The following ZMYM4 variants were observed in gnomAD, a reference collection of about 807,000 sequenced individuals.
The protein encoded by ZMYM4 is zinc finger MYM-type protein 4.
A neutral mutation model predicts 183.2 loss-of-function variants in ZMYM4; 31 were observed. That is an observed-to-expected ratio of 0.17 (90% CI 0.13 to 0.23). The LOEUF is 0.23. Among genes scored for constraint, ZMYM4 ranks in the 10% least tolerant of loss-of-function variants. ZMYM4 has a pLI of 1.00. For synonymous variants in ZMYM4, 592 were observed against 631.2 expected (o/e 0.94, Z 0.93); for missense variants, 1,273 against 1,840.3 (o/e 0.69, Z 5.64).
At chr1:35,298,011 G>A (rs1036720534) in intron 1 of ZMYM4, among the ~76,000 whole-genome samples, 4 of 152,222 alleles carry the variant, frequency 2.6e-5, no homozygotes, top group African/African-American at 4.8e-5. Flanking sequence ...CAGAATAACA[G>A]TAGAGGGAGC....
At chr1:35,409,068 A>G (rs1045343689) in intron 26 of ZMYM4, among the ~76,000 whole-genome samples, 3 of 152,210 alleles carry the variant, frequency 2.0e-5, no homozygotes, top group Non-Finnish European at 2.9e-5. Context: ...TTCCCTTAGC[A>G]TTATGTTTTC....
At chr1:35,383,048 T>C (rs1224214772) in intron 9 of ZMYM4, among the ~76,000 whole-genome samples, 1 of 152,160 alleles carries the variant, frequency 6.6e-6, no homozygotes, top group East Asian at 1.9e-4. Context: ...CTTTATGAAA[T>C]AGGAAGAAAT....
chr1:35,326,942 C>T (rs1642529083), intron 2 of ZMYM4, among the ~76,000 whole-genome samples: 1 of 152,208 alleles, frequency 6.6e-6, no homozygotes, highest in Non-Finnish European at 1.5e-5. Flanking sequence ...TCACTGCAAC[C>T]TCTGCCTCAC....
chr1:35,396,754 A>T, intron 19 of ZMYM4, 84 bp downstream of exon 19: 1 of 1,434,924 alleles, frequency 7.0e-7, no homozygotes, highest in South Asian at 1.5e-5. Context: ...GAAAGTTTTC[A>T]TTTGTTAGTA....
intron 2 of ZMYM4, among the ~76,000 whole-genome samples, chr1:35,339,588 A>G (rs980292952): frequency 5.3e-5 from 8 of 152,194 alleles, no homozygotes; most frequent in Admixed American, 6.5e-5. Flanking sequence ...TGTATAGATT[A>G]TGTGCAAATA....
chr1:35,392,822 G>T, intron 17 of ZMYM4, 138 bp downstream of exon 17: 2 of 608,208 alleles, frequency 3.3e-6, no homozygotes, highest in South Asian at 6.1e-5. Flanking sequence ...TCTTTGTTCA[G>T]GAATAGGATT....
intron 7 of ZMYM4, among the ~76,000 whole-genome samples, chr1:35,371,209 G>A (rs1006594361): frequency 5.3e-5 from 8 of 151,164 alleles, no homozygotes; most frequent in Non-Finnish European, 8.9e-5. Context: ...TCCGCCTCCC[G>A]GGTTCATGCC....
intron 2 of ZMYM4, chr1:35,350,893 A>C (rs577607896): frequency 1.6e-6 from 1 of 625,982 alleles, no homozygotes; most frequent in Admixed American, 2.4e-5. Flanking sequence ...TGTAACAGAG[A>C]TATCATTTGT....
At chr1:35,371,788 T>C (rs1644220074) in intron 7 of ZMYM4, among the ~76,000 whole-genome samples, 2 of 152,210 alleles carry the variant, frequency 1.3e-5, no homozygotes, top group Admixed American at 1.3e-4. Flanking sequence ...GGTTAGAAGT[T>C]TTTCTGGAAG....
intron 1 of ZMYM4, among the ~76,000 whole-genome samples, chr1:35,287,865 A>C (rs2148708133): frequency 6.6e-6 from 1 of 152,260 alleles, no homozygotes; most frequent in African/African-American, 2.4e-5. Flanking sequence ...TGGCCTCCCA[A>C]AATGCTAGGA....
intron 25 of ZMYM4, among the ~76,000 whole-genome samples, chr1:35,407,709 G>A (rs780589255): frequency 6.6e-6 from 1 of 152,102 alleles, no homozygotes; most frequent in Non-Finnish European, 1.5e-5. Flanking sequence ...TTAAGGTCTA[G>A]CTCCAGTATC....
chr1:35,310,522 T>C (rs1239077119), intron 1 of ZMYM4: 1 of 153,604 alleles, frequency 6.5e-6, no homozygotes, highest in Non-Finnish European at 1.4e-5. Context: ...ATACATAAAT[T>C]TATGTTGCAT....
Position 35,359,230 on chromosome 1 carries a change from C to A in ZMYM4, c.391C>A (p.Gln131Lys). Reference protein sequence around the residue: ...ESDNENEIQIQNKLKKDFPKQ... With the variant: ...ESDNENEIQIKNKLKKDFPKQ... Reference sequence around the variant, plus strand: ...AGACAATGAAAATGAAATACAAATTCAAAATAAGTTAAAAAAAGACTTTCC... The same window carrying A: ...AGACAATGAAAATGAAATACAAATTAAAAATAAGTTAAAAAAAGACTTTCC... The change falls in exon 3 of 30, where the codon CAA becomes AAA. Residue 131 changes from glutamine (Q) to lysine (K), a missense_variant. Around this residue, in one of 6 missense-constraint regions of ZMYM4, gnomAD observed 384 missense variants for 465.6 expected, o/e 0.82. Transcript: ENST00000314607. The A allele has an allele frequency of 6.2e-7, 1 of 1,609,738 alleles. No homozygotes were observed. The highest frequency in any genetic ancestry group is 1.1e-5 in the South Asian group (1 of 90,008).
At chr1:35,392,820 C>A in intron 17 of ZMYM4, 136 bp downstream of exon 17, 1 of 618,262 alleles carries the variant, frequency 1.6e-6, no homozygotes, top group Non-Finnish European at 2.7e-6. Flanking sequence ...AATCTTTGTT[C>A]AGGAATAGGA....
chr1:35,321,147 A>T (rs1458857103), intron 1 of ZMYM4, among the ~76,000 whole-genome samples: 1 of 152,226 alleles, frequency 6.6e-6, no homozygotes. Flanking sequence ...CTGTATGGGT[A>T]CTTGATTCTT....
chr1:35,280,734 ATT>A (rs1331169840), intron 1 of ZMYM4, among the ~76,000 whole-genome samples: 2 of 152,074 alleles, frequency 1.3e-5, no homozygotes, highest in African/African-American at 4.8e-5. Flanking sequence ...TTTACATGGC[ATT>A]ATCTCTTTGT....
At chr1:35,298,168 G>T (rs1365900620) in intron 1 of ZMYM4, among the ~76,000 whole-genome samples, 1 of 152,190 alleles carries the variant, frequency 6.6e-6, no homozygotes, top group East Asian at 1.9e-4. Flanking sequence ...GGTGGGGCAG[G>T]CTTTTGCTGG....
At chr1:35,350,023 C>T (rs538027475) in intron 2 of ZMYM4, among the ~76,000 whole-genome samples, 9 of 150,524 alleles carry the variant, frequency 6.0e-5, no homozygotes, top group Non-Finnish European at 7.4e-5. Context: ...GGTTCAGTGG[C>T]GCAGTCATAA....
At chr1:35,384,841 C>CTTTTT (rs748891728) in intron 9 of ZMYM4, among the ~76,000 whole-genome samples, 14 of 127,402 alleles carry the variant, frequency 1.1e-4, no homozygotes, top group East Asian at 2.2e-4. Flanking sequence ...TTTTCTTTTT[C>CTTTTT]TTTTTTTTTT....
Sources: gnomAD v4.1 joint callset for allele counts (sites outside exome capture counted in the v4.1 genomes callset) on GRCh38, gnomAD v4.1.1 for gene constraint, gnomAD v4.1.1 regional missense constraint, MANE v1.5 for transcripts, NCBI Gene and HGNC (gene_info 2026-07-23, HGNC 2026-07-21) for gene names.